Variants in HYCC1 observed in about 807,000 individuals in gnomAD.
HYCC1 encodes the protein hyccin PI4KA lipid kinase complex subunit 1, also known as hyccin.
At chr7:22,992,876 T>C in the HYCC1 span, among the ~76,000 whole-genome samples, 17 of 152,110 alleles carry the variant, frequency 1.1e-4, no homozygotes, top group South Asian at 3.1e-3. Flanking sequence ...TTTTCAAAAA[T>C]TAAAAGAAAT....
the HYCC1 span, among the ~76,000 whole-genome samples, chr7:23,003,901 G>A: frequency 1.3e-5 from 2 of 152,154 alleles, no homozygotes; most frequent in African/African-American, 2.4e-5. Flanking sequence ...GATCTTGACT[G>A]TACAAAATTC....
chr7:23,002,146 A>ATATATATATATATATACAAT, the HYCC1 span, among the ~76,000 whole-genome samples: 1 of 24,060 alleles, frequency 4.2e-5, no homozygotes, highest in African/African-American at 2.8e-4. Flanking sequence ...GTATATATAT[A>ATATATATATATATATACAAT]TATATATATA....
chr7:22,961,354 T>A, the HYCC1 span: 2 of 1,178,976 alleles, frequency 1.7e-6, no homozygotes, highest in Non-Finnish European at 2.5e-6. Flanking sequence ...ATGAAGAAAT[T>A]ATAATTATTT....
chr7:22,984,232 G>C, the HYCC1 span, among the ~76,000 whole-genome samples: 2 of 152,102 alleles, frequency 1.3e-5, no homozygotes, highest in Non-Finnish European at 2.9e-5. Flanking sequence ...GCTGGCATTG[G>C]TTGTACAACA....
the HYCC1 span, among the ~76,000 whole-genome samples, chr7:22,925,594 A>C: frequency 2.6e-5 from 4 of 152,190 alleles, no homozygotes; most frequent in Non-Finnish European, 5.9e-5. Flanking sequence ...GATGGAAGAC[A>C]AAATGAATGA....
At chr7:22,919,976 G>C in the HYCC1 span, among the ~76,000 whole-genome samples, 1 of 152,142 alleles carries the variant, frequency 6.6e-6, no homozygotes, top group African/African-American at 2.4e-5. Context: ...AAGGAAAATA[G>C]ATGCAAAGAG....
At chr7:22,923,269 C>A in the HYCC1 span, among the ~76,000 whole-genome samples, 1 of 152,088 alleles carries the variant, frequency 6.6e-6, no homozygotes, top group East Asian at 1.9e-4. Flanking sequence ...GTGGGAAATT[C>A]ACAAATATGT....
the HYCC1 span, among the ~76,000 whole-genome samples, chr7:23,008,392 A>G: frequency 2.6e-5 from 4 of 151,990 alleles, no homozygotes; most frequent in Non-Finnish European, 5.9e-5. Flanking sequence ...CATGAAGAAA[A>G]CTCAAAACTA....
At chr7:22,955,618 A>C in the HYCC1 span, among the ~76,000 whole-genome samples, 1 of 151,740 alleles carries the variant, frequency 6.6e-6, no homozygotes, top group Non-Finnish European at 1.5e-5. Flanking sequence ...CCAAGTATGG[A>C]TAATTTCTTA....
the HYCC1 span, among the ~76,000 whole-genome samples, chr7:23,005,191 G>T: frequency 3.9e-5 from 6 of 152,064 alleles, no homozygotes; most frequent in Non-Finnish European, 8.8e-5. Context: ...AATAAATAAA[G>T]GAAGCAACAT....
At chr7:22,973,976 A>G in the HYCC1 span, among the ~76,000 whole-genome samples, 1 of 152,196 alleles carries the variant, frequency 6.6e-6, no homozygotes, top group Admixed American at 6.5e-5. Flanking sequence ...ATACATTTAT[A>G]TATAATACAT....
At chr7:22,939,419 T>C in the HYCC1 span, 2 of 152,070 alleles carry the variant, frequency 1.3e-5, no homozygotes, top group Admixed American at 6.6e-5. Context: ...CCAATGTCAA[T>C]ACTAGAACCA....
chr7:22,984,501 A>G, the HYCC1 span, among the ~76,000 whole-genome samples: 1 of 151,998 alleles, frequency 6.6e-6, no homozygotes, highest in African/African-American at 2.4e-5. Context: ...AGGAGGACTG[A>G]TTGACCCCAG....
the HYCC1 span, among the ~76,000 whole-genome samples, chr7:22,997,112 AT>A: frequency 1.9e-4 from 29 of 152,160 alleles, no homozygotes; most frequent in African/African-American, 7.0e-4. Context: ...TCAATGTACA[AT>A]AAAACCTTTC....
the HYCC1 span, chr7:22,961,215 T>A: frequency 3.4e-6 from 5 of 1,473,656 alleles, no homozygotes; most frequent in Non-Finnish European, 4.8e-6. Context: ...AACATTTACA[T>A]AAATAAGTCA....
chr7:22,998,610 A>G, the HYCC1 span, among the ~76,000 whole-genome samples: 3 of 152,190 alleles, frequency 2.0e-5, no homozygotes, highest in African/African-American at 4.8e-5. Flanking sequence ...TATTGAATAG[A>G]AGAATAAATT....
At chr7:22,928,670 C>T in the HYCC1 span, among the ~76,000 whole-genome samples, 2 of 152,088 alleles carry the variant, frequency 1.3e-5, no homozygotes, top group Non-Finnish European at 2.9e-5. Context: ...CAAACCACTG[C>T]TCAACGAAAT....
At chr7:22,898,360 C>T in the HYCC1 span, among the ~76,000 whole-genome samples, 3 of 151,838 alleles carry the variant, frequency 2.0e-5, no homozygotes, top group African/African-American at 7.3e-5. Flanking sequence ...ATTACAGGCA[C>T]ACACCACCAC....
chr7:22,922,200 CTAA>C, the HYCC1 span, among the ~76,000 whole-genome samples: 1 of 151,010 alleles, frequency 6.6e-6, no homozygotes, highest in Admixed American at 6.6e-5. Flanking sequence ...ATATTTATTA[CTAA>C]TAAACATAAT....
Sources: allele counts gnomAD v4.1 joint callset (sites outside exome capture counted in the v4.1 genomes callset), GRCh38; gene constraint gnomAD v4.1.1; transcripts MANE v1.5; gene names NCBI Gene and HGNC (gene_info 2026-07-23, HGNC 2026-07-21).